The following NSFL1C variants were observed in gnomAD, a reference collection of about 807,000 sequenced individuals.
NSFL1C encodes the protein NSFL1 cofactor p47.
NSFL1C carries 14 observed loss-of-function variants against 43.1 expected under a neutral mutation model. The observed-to-expected ratio is 0.32, with a 90% CI of 0.21 to 0.51. The LOEUF (loss-of-function observed/expected upper bound fraction) is 0.51. Ranked by LOEUF, NSFL1C falls within the 20% of genes least tolerant of loss-of-function variation. NSFL1C has a pLI of 0.98. For synonymous variants in NSFL1C, 171 were observed against 183.5 expected, an observed-to-expected ratio of 0.93 and a Z score of 0.55; for missense variants, 406 against 472.5, an observed-to-expected ratio of 0.86 and a Z score of 1.30.
At chr20:1,447,515 C>G (rs934247140) in intron 7 of NSFL1C, among the ~76,000 whole-genome samples, 3 of 151,900 alleles carry the variant, frequency 2.0e-5, no homozygotes, top group Middle Eastern at 3.4e-3. Flanking sequence ...GCAATTCTTC[C>G]AAAGTGGCCC....
chr20:1,447,710 AGGCAGGCC>A (rs2090091704), intron 7 of NSFL1C, among the ~76,000 whole-genome samples: 1 of 152,336 alleles, frequency 6.6e-6, no homozygotes, highest in East Asian at 1.9e-4. Flanking sequence ...TAACGTTTTC[AGGCAGGCC>A]TAAGATGAGA....
Position 1,454,199 on chromosome 20 carries a change from G to A in NSFL1C, c.537+14C>T, listed in dbSNP as rs1040279432. 3.7e-6 allele frequency: 6 copies of A among 1,602,224 alleles called. No homozygotes were observed. Among genetic ancestry groups the A allele is most frequent in the East Asian group, 2.2e-5 (1 of 44,802 alleles). ...GTCCACAAGCTTCCCTCATGGGAAG[G>A]TGGATGCACTCACATCTTGGCTGGA... On this transcript the variant is annotated intron_variant, in intron 5 of 8. Transcript: ENST00000216879.
In NSFL1C at chr20:1,464,462, C is replaced by G. The variant is rs773664920; in HGVS notation, c.106-36G>C. 1.0e-5 allele frequency: 16 copies of G among 1,544,132 alleles called. 1 individual carries two copies. Among genetic ancestry groups the G allele is most frequent in the Non-Finnish European group, 1.4e-5 (16 of 1,116,488 alleles). The stretch of plus-strand genomic sequence containing the variant: ...GAGGTAGTACCTTGGGACCCTTAAA[C>G]AGGCCTTCACCTAACGCACATCTCC... On this transcript the variant is annotated intron_variant, in intron 1 of 8. Coordinates refer to ENST00000216879, the MANE Select transcript of NSFL1C (RefSeq NM_016143.5).
chr20:1,449,056 T>A (rs1164011273), intron 7 of NSFL1C, among the ~76,000 whole-genome samples: 1 of 152,212 alleles, frequency 6.6e-6, no homozygotes, highest in African/African-American at 2.4e-5. Context: ...ATATCCAGGA[T>A]GCTATGCAGG....
chr20:1,442,788 G>T lies in NSFL1C; in HGVS notation c.*961C>A, dbSNP rs541604019. On this transcript the variant is annotated 3_prime_UTR_variant, in exon 9 of 9. Coordinates refer to ENST00000216879, the MANE Select transcript of NSFL1C (RefSeq NM_016143.5). Reference sequence around the variant, plus strand: ...CCTCCTGCAAGTACCAACAGTGACAGGTGCTTGTAGCACAGAAAACTCACC... The same window carrying T: ...CCTCCTGCAAGTACCAACAGTGACATGTGCTTGTAGCACAGAAAACTCACC... 6.6e-6 allele frequency: 1 copy of T among 152,336 alleles called. No individual in the cohort carries two copies. Among genetic ancestry groups the T allele is most frequent in the African/African-American group, 2.4e-5 (1 of 41,558 alleles). The allele number at this position is 152,336 out of a possible 1,614,324, so 9.4% of individuals were successfully genotyped here. A position where few individuals can be genotyped will look rare whatever the true frequency, so the allele number is the denominator to read the frequency against.
chr20:1,446,368 T>C (rs894893113), intron 7 of NSFL1C, among the ~76,000 whole-genome samples: 1 of 152,156 alleles, frequency 6.6e-6, no homozygotes, highest in Admixed American at 6.5e-5. Flanking sequence ...CTCACTCCCA[T>C]GTGTATCTGT....
chr20:1,444,575 T>C (rs1171984642), intron 8 of NSFL1C, among the ~76,000 whole-genome samples: 1 of 152,216 alleles, frequency 6.6e-6, no homozygotes, highest in Admixed American at 6.5e-5. Context: ...CCTCCTTCCC[T>C]AGAGCACTTA....
chr20:1,445,290 C>T (rs187794923), intron 8 of NSFL1C, among the ~76,000 whole-genome samples: 15 of 152,266 alleles, frequency 9.9e-5, no homozygotes, highest in Admixed American at 5.2e-4. Flanking sequence ...GTGAGTGGGA[C>T]GCTGACACTG....
At chr20:1,449,879 G>A (rs11087062) in intron 7 of NSFL1C, among the ~76,000 whole-genome samples, 4 of 152,138 alleles carry the variant, frequency 2.6e-5, no homozygotes, top group African/African-American at 4.8e-5. Flanking sequence ...TCCAGCAGCA[G>A]TGACCCCTCC....
At chr20:1,464,032 C>G (rs1430279038) in intron 2 of NSFL1C, 1 of 349,246 alleles carries the variant, frequency 2.9e-6, no homozygotes, top group South Asian at 9.8e-5. Context: ...AGTTTTTTGG[C>G]TTTTACTTAA....
intron 6 of NSFL1C, 121 bp from the exon 7 acceptor site, chr20:1,452,751 C>G: frequency 8.1e-7 from 1 of 1,239,146 alleles, no homozygotes; most frequent in Non-Finnish European, 1.1e-6. Context: ...CCAAAGGGAG[C>G]AGGCTACTCT....
In NSFL1C at chr20:1,446,933, T is replaced by G. The variant is rs1414928413; in HGVS notation, c.786-1103A>C. On this transcript the variant is annotated intron_variant, in intron 7 of 8. Transcript: ENST00000216879. ...ATCCAACTGAAAGTGCTTTCCAAAG[T>G]GTGTTCCATAGGAAGGAAGGTGTAG... Among the ~76,000 whole-genome samples, 4 of 152,262 alleles carry G rather than the reference T, an allele frequency of 2.6e-5. No individual in the cohort carries two copies. The South Asian group carries it at 6.2e-4, about 24-fold the overall frequency.
At chr20:1,457,486 G>A (rs1285327954) in intron 3 of NSFL1C, among the ~76,000 whole-genome samples, 2 of 152,152 alleles carry the variant, frequency 1.3e-5, no homozygotes, top group Non-Finnish European at 2.9e-5. Context: ...GTACAATGCT[G>A]TTTTATTAAC....
chr20:1,444,664 C>T (rs907303254), intron 8 of NSFL1C, among the ~76,000 whole-genome samples: 3 of 152,218 alleles, frequency 2.0e-5, no homozygotes, highest in African/African-American at 7.2e-5. Context: ...CATGGACCTG[C>T]AGGATTCTGC....
intron 3 of NSFL1C, 66 bp from the exon 4 acceptor site, chr20:1,455,198 T>C: frequency 1.3e-6 from 2 of 1,582,370 alleles, no homozygotes; most frequent in East Asian, 2.2e-5. Context: ...ATGTGCCAGG[T>C]TGGTGCTGGG....
chr20:1,460,959 T>G (rs1599966577), intron 2 of NSFL1C, among the ~76,000 whole-genome samples: 1 of 152,186 alleles, frequency 6.6e-6, no homozygotes, highest in African/African-American at 2.4e-5. Flanking sequence ...AGGTAGCATG[T>G]GGCAGCAGAA....
At chr20:1,456,951 T>A (rs137989985) in intron 3 of NSFL1C, 4 of 152,240 alleles carry the variant, frequency 2.6e-5, no homozygotes, top group African/African-American at 9.6e-5. Flanking sequence ...AGATGTAGCA[T>A]TGATCCAGCA....
chr20:1,466,770 C>G lies in NSFL1C; in HGVS notation c.55G>C (p.Glu19Gln). The G allele has an allele frequency of 6.4e-7, 1 of 1,561,910 alleles. No individual in the cohort carries two copies. Among genetic ancestry groups the G allele is most frequent in the Non-Finnish European group, 8.7e-7 (1 of 1,155,786 alleles). Residue 19 changes from glutamate (E) to glutamine (Q), a missense_variant, in exon 1 of 9, where the codon GAG (glutamate) becomes CAG (glutamine). Coordinates refer to ENST00000216879, the MANE Select transcript of NSFL1C (RefSeq NM_016143.5). ...AGAAAGAAGCGGGCCCGGTCCTCCT[C>G]GGCGCCCGTCACCGCCACGAACTCC... ...LREFVAVTGAEEDRARFFLES... is the reference protein window; with the variant it reads ...LREFVAVTGAQEDRARFFLES...
intron 7 of NSFL1C, among the ~76,000 whole-genome samples, chr20:1,446,677 A>T (rs1454464443): frequency 6.6e-6 from 1 of 150,684 alleles, no homozygotes; most frequent in African/African-American, 2.4e-5. Context: ...CAAACACAAA[A>T]TGCACATAGG....
Sources: gnomAD v4.1 joint callset for allele counts (sites outside exome capture counted in the v4.1 genomes callset) on GRCh38, gnomAD v4.1.1 for gene constraint, MANE v1.5 for transcripts, NCBI Gene and HGNC (gene_info 2026-07-23, HGNC 2026-07-21) for gene names.